The following NSUN6 variants were observed in gnomAD, a reference collection of about 807,000 sequenced individuals.
The protein encoded by NSUN6 is tRNA (cytosine(72)-C(5))-methyltransferase NSUN6.
In NSUN6, 64 loss-of-function variants were observed where a neutral mutation model predicts 58.0. That is an observed-to-expected ratio of 1.10 (90% confidence interval 0.90 to 1.36). NSUN6 has a LOEUF of 1.36. NSUN6 is among the 40% of genes most tolerant of loss of function. The probability of loss-of-function intolerance (pLI) is 0.00; values close to 1 mark genes in which losing one functional copy is unlikely to be tolerated. For missense variants in NSUN6, 701 were observed against 550.1 expected (o/e 1.27, Z -2.74); for synonymous variants, 231 against 193.9 (o/e 1.19, Z -1.59).
chr10:18,563,137 C>T (rs1372000605), intron 8 of NSUN6, among the ~76,000 whole-genome samples: 1 of 134,934 alleles, frequency 7.4e-6, no homozygotes, highest in East Asian at 2.3e-4. Flanking sequence ...GGAGATTGAA[C>T]TGGAATGGAG....
chr10:18,639,808 A>G (rs540039871), intron 3 of NSUN6, among the ~76,000 whole-genome samples: 13 of 152,346 alleles, frequency 8.5e-5, no homozygotes, highest in Non-Finnish European at 1.8e-4. Context: ...GCAAGAATGA[A>G]AGCATCAAAA....
chr10:18,611,816 C>T (rs2058249311), intron 5 of NSUN6, among the ~76,000 whole-genome samples: 1 of 152,168 alleles, frequency 6.6e-6, no homozygotes, highest in South Asian at 2.1e-4. Flanking sequence ...AGTGATCCTC[C>T]TGCCTTAGCT....
chr10:18,657,978 G>A (rs1231945285), upstream of NSUN6, among the ~76,000 whole-genome samples: 113 of 70,398 alleles, frequency 1.6e-3, no homozygotes, highest in Non-Finnish European at 2.8e-3. Flanking sequence ...AAATCCGAAA[G>A]CCAGAAAAAA....
intron 8 of NSUN6, among the ~76,000 whole-genome samples, chr10:18,552,687 A>T (rs2054682412): frequency 6.6e-6 from 1 of 150,400 alleles, no homozygotes; most frequent in Non-Finnish European, 1.5e-5. Flanking sequence ...ATTCCATTCC[A>T]TTCCCCATTC....
rs1178549666 is a variant in NSUN6, at chr10:18,606,727, CTT to C, written c.657+3116_657+3117del. Reference sequence around the variant, plus strand: ...TTCTGAAATTATTCTTAAATAAAAACTTTTCAACCTGATGAGAGGAAGTAGAA... The same window carrying C: ...TTCTGAAATTATTCTTAAATAAAAACTTCAACCTGATGAGAGGAAGTAGAA... On this transcript the variant is annotated intron_variant, in intron 6 of 10. Transcript: ENST00000377304. Among the ~76,000 whole-genome samples the C allele has an allele frequency of 2.6e-5, 4 of 152,158 alleles. No homozygotes were observed. In the East Asian group the frequency reaches 7.7e-4, roughly 29 times the overall value.
At chr10:18,593,954 C>G (rs1007601383) in intron 7 of NSUN6, among the ~76,000 whole-genome samples, 1 of 151,564 alleles carries the variant, frequency 6.6e-6, no homozygotes, top group Non-Finnish European at 1.5e-5. Context: ...AATCCCAGCA[C>G]TTTGGGAGGC....
intron 8 of NSUN6, among the ~76,000 whole-genome samples, chr10:18,570,820 C>T (rs2056316574): frequency 6.6e-6 from 1 of 150,448 alleles, no homozygotes; most frequent in Non-Finnish European, 1.5e-5. Flanking sequence ...CCACTCTATT[C>T]ACCACTGCAT....
chr10:18,653,373 G>C (rs997871338), upstream of NSUN6: 50 of 972,642 alleles, frequency 5.1e-5, no homozygotes, highest in Middle Eastern at 1.6e-3. Context: ...AGGACATTTA[G>C]ACTTTTTTGT....
chr10:18,615,782 T>C (rs957442911), intron 4 of NSUN6, among the ~76,000 whole-genome samples: 1 of 152,240 alleles, frequency 6.6e-6, no homozygotes, highest in Non-Finnish European at 1.5e-5. Flanking sequence ...TGTCGCCAAC[T>C]GGGTGAATAC....
chr10:18,596,182 T>C, intron 7 of NSUN6, 26 bp downstream of exon 7: 1 of 1,589,458 alleles, frequency 6.3e-7, no homozygotes. Context: ...ACTTTGAGAG[T>C]GGATTTGCTG....
At chr10:18,647,751 T>G (rs2059590468) in intron 2 of NSUN6, among the ~76,000 whole-genome samples, 1 of 109,268 alleles carries the variant, frequency 9.2e-6, no homozygotes, top group African/African-American at 3.3e-5. Context: ...TTTTTTTTTT[T>G]TGAGACAGAG....
At chr10:18,619,322 C>T (rs775434278) in intron 3 of NSUN6, among the ~76,000 whole-genome samples, 32 of 152,192 alleles carry the variant, frequency 2.1e-4, no homozygotes, top group Admixed American at 6.5e-5. Flanking sequence ...AGGGAACTTA[C>T]GGCTGCGCAT....
At chr10:18,550,360 T>C (rs2054523373) in intron 9 of NSUN6, among the ~76,000 whole-genome samples, 1 of 152,158 alleles carries the variant, frequency 6.6e-6, no homozygotes, top group African/African-American at 2.4e-5. Context: ...AGTGCTACCT[T>C]TGTATATGAA....
At chr10:18,549,171 T>TAA (rs777349672) in intron 9 of NSUN6, among the ~76,000 whole-genome samples, 1 of 152,156 alleles carries the variant, frequency 6.6e-6, no homozygotes, top group Non-Finnish European at 1.5e-5. Flanking sequence ...CATGATCACT[T>TAA]AGAGTCAAAG....
intron 8 of NSUN6, among the ~76,000 whole-genome samples, chr10:18,576,370 A>G (rs905356842): frequency 6.6e-6 from 1 of 152,058 alleles, no homozygotes; most frequent in Non-Finnish European, 1.5e-5. Flanking sequence ...CATTTAATCC[A>G]GGGAGATTTC....
At chr10:18,559,176 T>C (rs926138342) in intron 8 of NSUN6, among the ~76,000 whole-genome samples, 3 of 148,116 alleles carry the variant, frequency 2.0e-5, no homozygotes, top group South Asian at 4.3e-4. Context: ...GAATGGAGAA[T>C]AGAATGGAAT....
chr10:18,617,116 T>A (rs996365932), intron 3 of NSUN6, among the ~76,000 whole-genome samples: 1 of 152,040 alleles, frequency 6.6e-6, no homozygotes, highest in African/African-American at 2.4e-5. Context: ...ATTCTATCCC[T>A]TGGCAATCTC....
intron 6 of NSUN6, among the ~76,000 whole-genome samples, chr10:18,603,595 C>G (rs1030718725): frequency 6.6e-6 from 1 of 151,836 alleles, no homozygotes; most frequent in Admixed American, 6.6e-5. Flanking sequence ...CTCAGCCTCC[C>G]AAATAGCTGG....
At chr10:18,617,299 T>C (rs1471311606) in intron 3 of NSUN6, among the ~76,000 whole-genome samples, 1 of 151,262 alleles carries the variant, frequency 6.6e-6, no homozygotes, top group East Asian at 2.0e-4. Context: ...GTGATTCTCA[T>C]GCCTCAGCCT....
Sources: allele counts gnomAD v4.1 joint callset (sites outside exome capture counted in the v4.1 genomes callset), GRCh38; gene constraint gnomAD v4.1.1; transcripts MANE v1.5; gene names NCBI Gene and HGNC (gene_info 2026-07-23, HGNC 2026-07-21).